PHC1: variants seen among roughly 807,000 people sequenced by gnomAD.
PHC1 encodes the protein polyhomeotic homolog 1.
A neutral mutation model predicts 104.3 loss-of-function variants in PHC1; 12 were observed. The ratio of observed to expected loss-of-function variants is 0.12; its 90% CI spans 0.07 to 0.19. PHC1 has a LOEUF of 0.19. Among genes scored for constraint, PHC1 ranks in the 10% least tolerant of loss-of-function variants. The probability of loss-of-function intolerance (pLI) is 1.00; values close to 1 mark genes in which losing one functional copy is unlikely to be tolerated. For synonymous variants in PHC1, 302 were observed against 455.8 expected, an observed-to-expected ratio of 0.66 and a Z score of 4.30; for missense variants, 671 against 1,200.0, an observed-to-expected ratio of 0.56 and a Z score of 6.51.
In PHC1 at chr12:8,930,885, C is replaced by A. The variant is rs752466822; in HGVS notation, c.1063C>A (p.Arg355=). The A allele has an allele frequency of 1.3e-6, 2 of 1,586,090 alleles. No individual in the cohort carries two copies. Among genetic ancestry groups the A allele is most frequent in the Non-Finnish European group, 1.7e-6 (2 of 1,165,900 alleles). The change falls in exon 7 of 15, where the codon CGG becomes AGG. Residue 355 remains arginine, a synonymous_variant. Transcript: ENST00000544916. ...GCAGAATGTGGGCATGAACCTGACA[C>A]GGACAGCCACACCTGCGCCCAGCCA... The part of the protein sequence containing the change: ...GQQNVGMNLT[R]TATPAPSQTL...
At position 8,934,281 on chromosome 12, in the gene PHC1, G is replaced by A. The variant is rs369126781; in HGVS notation, c.2056G>A (p.Val686Met). The change falls in exon 10 of 15, where the codon GTG (valine) becomes ATG (methionine). Residue 686 changes from valine (V) to methionine (M), a missense_variant. Physicochemically the swap from Val to Met is conservative, Grantham distance 21. Around this residue, in one of 9 missense-constraint regions of PHC1, gnomAD observed 95 missense variants for 108.8 expected, o/e 0.87. Coordinates refer to ENST00000544916, the MANE Select transcript of PHC1 (RefSeq NM_004426.3). ...KSSLGEKAES[V>M]ANVNANTPSS... ...TTGTTTTCCAGAAAAAGCTGAATCA[G>A]TGGCTAATGTGAATGCTAATACTCC... 3.7e-5 allele frequency: 59 copies of A among 1,613,518 alleles called. No homozygotes were observed. The highest frequency in any genetic ancestry group is 4.8e-5 in the Non-Finnish European group (57 of 1,179,748).
At chr12:8,928,428 T>C (rs1945591076) in intron 6 of PHC1, among the ~76,000 whole-genome samples, 1 of 152,136 alleles carries the variant, frequency 6.6e-6, no homozygotes, top group Non-Finnish European at 1.5e-5. Context: ...CATAACCTGT[T>C]AAAATTTATT....
rs1238187401 is a variant in PHC1 at position 8,919,182 on chromosome 12, C to T, written c.115-574C>T. ...TCAAGCAATTCTCCTACCTCAGCCTCCCTAGTAGTTGGGATTACAGGCGCC... is the reference window on the plus strand; with the variant it reads ...TCAAGCAATTCTCCTACCTCAGCCTTCCTAGTAGTTGGGATTACAGGCGCC... On this transcript the variant is annotated intron_variant, in intron 2 of 14. Coordinates refer to ENST00000544916, the MANE Select transcript of PHC1 (RefSeq NM_004426.3). The surrounding 1 kb of genome is among the most constrained non-coding windows in gnomAD (Gnocchi z 4.9). 6.6e-6 allele frequency among the ~76,000 whole-genome samples: 1 copy of T among 152,184 alleles called. No individual in the cohort carries two copies. The highest frequency in any genetic ancestry group is 1.9e-4 in the East Asian group (1 of 5,188).
chr12:8,936,631 GGA>G (rs1274888529), intron 11 of PHC1, among the ~76,000 whole-genome samples: 1 of 152,152 alleles, frequency 6.6e-6, no homozygotes, highest in Non-Finnish European at 1.5e-5. Context: ...CATCTAAAAT[GGA>G]GAGAGTTCGG....
At chr12:8,915,876 G>T (rs10771204) in intron 1 of PHC1, 132,340 of 154,300 alleles carry the variant, frequency 0.86, 58,129 homozygotes, top group South Asian at 0.97. Context: ...CAGAATTCAG[G>T]TTTGGGAAGA....
intron 4 of PHC1, 30 bp from the exon 5 acceptor site, chr12:8,921,571 T>C: frequency 6.2e-7 from 1 of 1,611,298 alleles, no homozygotes; most frequent in East Asian, 2.2e-5. Context: ...TCCCAAATCC[T>C]TAGTCCTGGT....
Position 8,921,016 on chromosome 12 carries a change from C to T in PHC1, c.257C>T (p.Ser86Phe), listed in dbSNP as rs769416136. 2 of 1,613,528 alleles carry T rather than the reference C, an allele frequency of 1.2e-6. No homozygotes were observed. The highest frequency in any genetic ancestry group is 1.7e-5 in the Admixed American group (1 of 59,876). The change falls in exon 4 of 15, where the codon TCC (serine) becomes TTC (phenylalanine). Residue 86 changes from serine (S) to phenylalanine (F), a missense_variant. Ser to Phe is a radical substitution (Grantham distance 155, BLOSUM62 -2). This residue lies in a region of PHC1 where 237 missense variants were observed against 331.1 expected (regional missense o/e 0.72). Transcript: ENST00000544916. ...ATTGCTGCCAGTCGGCAGGCCAGCT[C>T]CCCAAACACCAGCACTACACAGCAG... ...ATIAASRQAS[S>F]PNTSTTQQQT...
chr12:8,916,272 A>G (rs1184397243), intron 1 of PHC1, among the ~76,000 whole-genome samples: 3 of 152,214 alleles, frequency 2.0e-5, no homozygotes, highest in Non-Finnish European at 4.4e-5. Context: ...AATAAGAAAT[A>G]TCCTCAGCTT....
chr12:8,914,436 C>CGAGGGGAGGCG (rs1396613543), upstream of PHC1: 4 of 34,970 alleles, frequency 1.1e-4, no homozygotes, highest in Non-Finnish European at 2.4e-4. Flanking sequence ...CGGAGGGCGC[C>CGAGGGGAGGCG]GAGGGGAGGC....
In PHC1 at chr12:8,919,782, C is replaced by T. The variant is rs1945306684; in HGVS notation, c.141C>T (p.Pro47=). The change falls in exon 3 of 15, where the codon CCC becomes CCT. Residue 47 remains proline, a synonymous_variant. Transcript: ENST00000544916. The surrounding 1 kb of genome is among the most constrained non-coding windows in gnomAD (Gnocchi z 4.9). ...CTCTGCAAGCACTGCAGCGGCAGCC[C>T]AATGCAGCTCAGTATTTCCACCAGT... ...VQALQALQRQ[P]NAAQYFHQFM... is the part of the protein sequence containing the mutation. 6.2e-7 allele frequency: 1 copy of T among 1,612,622 alleles called. No individual in the cohort carries two copies. The highest frequency in any genetic ancestry group is 1.1e-5 in the South Asian group (1 of 90,770).
chr12:8,929,554 G>T (rs1350455246), intron 6 of PHC1, among the ~76,000 whole-genome samples: 2 of 148,340 alleles, frequency 1.3e-5, no homozygotes, highest in Non-Finnish European at 3.0e-5. Context: ...TCTGGACAGG[G>T]TCTCACTCTG....
intron 1 of PHC1, 43 bp from the exon 2 acceptor site, chr12:8,917,587 G>A (rs570656181): frequency 2.0e-4 from 107 of 535,566 alleles, no homozygotes; most frequent in African/African-American, 1.7e-3. Context: ...ATAACAGCTT[G>A]GGATCAAGAT....
rs757988603 is a variant in PHC1 at position 8,922,601 on chromosome 12, C to T, written c.457-32C>T. The stretch of plus-strand genomic sequence containing the variant: ...TTCTGTCTCTTCTTTCCCTCTTGTC[C>T]TCTTTGCTCTTCCTCTTCCTCTCCT... On this transcript the variant is annotated intron_variant, in intron 5 of 14. Coordinates refer to ENST00000544916, the MANE Select transcript of PHC1 (RefSeq NM_004426.3). 4 of 1,544,644 alleles carry T rather than the reference C, an allele frequency of 2.6e-6. No individual in the cohort carries two copies. In the South Asian group the frequency reaches 4.8e-5, roughly 18 times the overall value.
rs73236291 is a variant in PHC1, at chr12:8,922,668, C to G, written c.492C>G (p.Thr164=). The part of the protein sequence containing the change: ...QLGNLLQVNR[T]LGRNVPLASQ... ...GAAACCTATTGCAGGTAAACCGAAC[C>G]CTGGGTCGGAATGTGCCTCTAGCCT... Residue 164 remains threonine (T), a synonymous_variant, in exon 6 of 15, where the codon ACC becomes ACG. Coordinates refer to ENST00000544916, the MANE Select transcript of PHC1 (RefSeq NM_004426.3). The G allele has an allele frequency of 8.3e-4, 1,328 of 1,595,832 alleles. 7 individuals are homozygous for G. In the African/African-American group the frequency reaches 0.015, roughly 18 times the overall value.
Position 8,937,999 on chromosome 12 carries a change from G to A in PHC1, c.2799G>A (p.Leu933=), listed in dbSNP as rs757530154. The change falls in exon 14 of 15, where the codon CTG becomes CTA. Residue 933 remains leucine (L), a synonymous_variant. Coordinates refer to ENST00000544916, the MANE Select transcript of PHC1 (RefSeq NM_004426.3). ...TACATGGCATCAACCCTGTGTTCCT[G>A]TCCAGTAATCCCAGCCGTTGGAGTG... The part of the protein sequence containing the change: ...PELHGINPVF[L]SSNPSRWSVE... 1.2e-6 allele frequency: 2 copies of A among 1,608,562 alleles called. No homozygotes were observed. Among genetic ancestry groups the A allele is most frequent in the Admixed American group, 1.7e-5 (1 of 59,748 alleles).
At chr12:8,933,757 G>T in intron 8 of PHC1, 108 bp from the exon 9 acceptor site, 2 of 861,056 alleles carry the variant, frequency 2.3e-6, no homozygotes, top group East Asian at 2.6e-5. Context: ...AGATAAATTG[G>T]GAAATCTGGA....
chr12:8,922,762 C>G lies in PHC1; in HGVS notation c.586C>G (p.Pro196Ala). The change falls in exon 6 of 15, where the codon CCT becomes GCT. Residue 196 changes from proline (P) to alanine (A), a missense_variant. By Grantham distance (27) the Pro-to-Ala change is conservative. Around this residue, in one of 9 missense-constraint regions of PHC1, gnomAD observed 237 missense variants for 331.1 expected, o/e 0.72. Coordinates refer to ENST00000544916, the MANE Select transcript of PHC1 (RefSeq NM_004426.3). ...GCAGGAGGTGCCATCTGCTCAGTCTCCTGGAGTTCATGCAGATGCAGATCA... is the reference window on the plus strand; with the variant it reads ...GCAGGAGGTGCCATCTGCTCAGTCTGCTGGAGTTCATGCAGATGCAGATCA... ...VQQEVPSAQS[P>A]GVHADADQVQ... 1 of 1,612,894 alleles carries G rather than the reference C, an allele frequency of 6.2e-7. No homozygotes were observed. The highest frequency in any genetic ancestry group is 8.5e-7 in the Non-Finnish European group (1 of 1,179,602).
chr12:8,925,048 C>T (rs1395242880), intron 6 of PHC1, among the ~76,000 whole-genome samples: 1 of 152,146 alleles, frequency 6.6e-6, no homozygotes, highest in Non-Finnish European at 1.5e-5. Context: ...CTCATTCATT[C>T]ATCAGATATT....
In PHC1 at chr12:8,937,841, T is replaced by C. The variant is rs1945883108; in HGVS notation, c.2641T>C (p.Ser881Pro). 1 of 1,612,532 alleles carries C rather than the reference T, an allele frequency of 6.2e-7. No homozygotes were observed. The highest frequency in any genetic ancestry group is 8.5e-7 in the Non-Finnish European group (1 of 1,178,572). Residue 881 changes from serine to proline, a missense_variant, in exon 14 of 15, where the codon TCT becomes CCT. Physicochemically the swap from Ser to Pro is moderately conservative, Grantham distance 74. Coordinates refer to ENST00000544916, the MANE Select transcript of PHC1 (RefSeq NM_004426.3). Reference sequence around the variant, plus strand: ...TTTTCCCCTATAGGGTCAAGAAGACTCTAGCCGGGGTTCAGATAATTCCAG... The same window carrying C: ...TTTTCCCCTATAGGGTCAAGAAGACCCTAGCCGGGGTTCAGATAATTCCAG... ...QGKCHRGQED[S>P]SRGSDNSSYD... is the part of the protein sequence containing the mutation.
Sources: gnomAD v4.1 joint callset for allele counts (sites outside exome capture counted in the v4.1 genomes callset) on GRCh38, gnomAD v4.1.1 for gene constraint, gnomAD v4.1.1 regional missense constraint, Gnocchi (gnomAD v3.1) non-coding constraint, MANE v1.5 for transcripts, NCBI Gene and HGNC (gene_info 2026-07-23, HGNC 2026-07-21) for gene names.